Variants in ZC3H12D observed in about 807,000 individuals in gnomAD.
The protein encoded by ZC3H12D is zinc finger CCCH-type containing 12D, also known as probable ribonuclease ZC3H12D.
In ZC3H12D, 11 loss-of-function variants were observed where a neutral mutation model predicts 24.2. That is an observed-to-expected ratio of 0.46 (90% CI 0.29 to 0.75). The LOEUF is 0.75. Among genes scored for constraint, ZC3H12D ranks in the 30% least tolerant of loss-of-function variants. ZC3H12D has a pLI of 0.11. For missense variants in ZC3H12D, 740 were observed against 767.7 expected, an observed-to-expected ratio of 0.96 and a Z score of 0.43; for synonymous variants, 333 against 341.8, an observed-to-expected ratio of 0.97 and a Z score of 0.28.
At chr6:149,477,461 G>A (rs191809024) in intron 1 of ZC3H12D, among the ~76,000 whole-genome samples, 3 of 152,336 alleles carry the variant, frequency 2.0e-5, no homozygotes, top group African/African-American at 7.2e-5. Flanking sequence ...CCTCTCTGCC[G>A]CTTTTGAAAC....
rs1397221657 is a variant in ZC3H12D at position 149,456,625 on chromosome 6, C to T, written c.680+41G>A. The T allele has an allele frequency of 2.9e-6, 4 of 1,357,228 alleles. No homozygotes were observed. Among genetic ancestry groups the T allele is most frequent in the Non-Finnish European group, 4.2e-6 (4 of 956,748 alleles). 84.1% of individuals were successfully genotyped at this position (1,357,228 alleles called of 1,614,324 possible). On this transcript the variant is annotated intron_variant, in intron 4 of 5. Transcript: ENST00000409806. This position sits in a 1 kb window ranked among gnomAD's most constrained non-coding sequence, Gnocchi z 4.3. Reference sequence around the variant, plus strand: ...CACTGCCTCGACCCCGGCCCCCCGCCCCGCCGCCCCCCAGGGTGTCAGGAC... The same window carrying T: ...CACTGCCTCGACCCCGGCCCCCCGCTCCGCCGCCCCCCAGGGTGTCAGGAC...
chr6:149,462,891 G>A (rs934132844), intron 2 of ZC3H12D, among the ~76,000 whole-genome samples: 29 of 152,142 alleles, frequency 1.9e-4, no homozygotes, highest in Non-Finnish European at 3.2e-4. Flanking sequence ...CTGCACTGTC[G>A]GCTTCCCTAT....
rs376522130 is a variant in ZC3H12D at position 149,460,318 on chromosome 6, A to C, written c.445+1513T>G. ...TAATGAAAATATTCAGAAATCCAAA[A>C]CACTTCTGCTCCCAAGTACTTCAGA... On this transcript the variant is annotated intron_variant, in intron 3 of 5. Transcript: ENST00000409806. Among the ~76,000 whole-genome samples the C allele has an allele frequency of 8.6e-5, 13 of 151,986 alleles. 1 individual carries two copies. The highest frequency in any genetic ancestry group is 5.8e-4 in the East Asian group (3 of 5,170).
rs535596657 is a variant in ZC3H12D, at chr6:149,473,163, C to T, written c.305+1076G>A. Among the ~76,000 whole-genome samples the T allele has an allele frequency of 1.3e-4, 19 of 149,998 alleles. No homozygotes were observed. In the South Asian group the frequency reaches 3.6e-3, roughly 28 times the overall value. On this transcript the variant is annotated intron_variant, in intron 2 of 5. Transcript: ENST00000409806. ...AAAAAAAAAAAACTCAAAGTACACA[C>T]CGCAAAAAGTGCAGGGACAGCCCCT...
chr6:149,450,818 G>T lies in ZC3H12D; in HGVS notation c.1449C>A (p.Ile483=). 6.5e-7 allele frequency: 1 copy of T among 1,547,586 alleles called. No homozygotes were observed. The highest frequency in any genetic ancestry group is 8.7e-7 in the Non-Finnish European group (1 of 1,146,742). The change falls in exon 6 of 6, where the codon ATC becomes ATA. Residue 483 remains isoleucine (I), a synonymous_variant. Transcript: ENST00000409806. The part of the protein sequence containing the change: ...DEGDARARAR[I]ALYSVFPRDQ... ...CACGCGGGAAGACGCTGTAGAGCGC[G>T]ATGCGAGCCCGGGCGCGCGCGTCCC...
chr6:149,478,788 C>G (rs1394080786), intron 1 of ZC3H12D, among the ~76,000 whole-genome samples: 8 of 152,162 alleles, frequency 5.3e-5, no homozygotes, highest in Admixed American at 5.2e-4. Flanking sequence ...TCTGCCCCAC[C>G]CACCCCTCAG....
In ZC3H12D at chr6:149,456,623, G is replaced by GGGGGGGGC; in HGVS notation, c.680+42_680+43insGCCCCCCC. 1.3e-6 allele frequency: 1 copy of GGGGGGGGC among 744,586 alleles called. No homozygotes were observed. 46.1% of individuals were successfully genotyped at this position (744,586 alleles called of 1,614,324 possible). On this transcript the variant is annotated intron_variant, in intron 4 of 5. Transcript: ENST00000409806. This position sits in a 1 kb window ranked among gnomAD's most constrained non-coding sequence, Gnocchi z 4.3. The stretch of plus-strand genomic sequence containing the variant: ...GCCACTGCCTCGACCCCGGCCCCCC[G>GGGGGGGGC]CCCCGCCGCCCCCCAGGGTGTCAGG...
chr6:149,451,878 G>C (rs547372391), intron 5 of ZC3H12D, among the ~76,000 whole-genome samples: 1 of 152,352 alleles, frequency 6.6e-6, no homozygotes, highest in South Asian at 2.1e-4. Flanking sequence ...GTAGGGAGTG[G>C]GTGCTCGGGG....
At chr6:149,481,406 G>C (rs1776423071) in intron 1 of ZC3H12D, among the ~76,000 whole-genome samples, 1 of 148,852 alleles carries the variant, frequency 6.7e-6, no homozygotes, top group African/African-American at 2.5e-5. Flanking sequence ...GGAGAGTTTT[G>C]CTCTGTCGCC....
chr6:149,451,268 C>G lies in ZC3H12D; in HGVS notation c.999G>C (p.Ala333=). Residue 333 remains alanine (A), a synonymous_variant, in exon 6 of 6, where the codon GCG becomes GCC. Transcript: ENST00000409806. ...REPFAHSLPP[A]RGSPDLAALR... Reference sequence around the variant, plus strand: ...GGGCGGCCAGGTCCGGGGACCCCCGCGCCGGCGGGAGGCTGTGCGCAAATG... The same window carrying G: ...GGGCGGCCAGGTCCGGGGACCCCCGGGCCGGCGGGAGGCTGTGCGCAAATG... The G allele has an allele frequency of 1.5e-6, 2 of 1,299,566 alleles. No individual in the cohort carries two copies. The highest frequency in any genetic ancestry group is 5.0e-5 in the South Asian group (2 of 39,778). 80.5% of individuals were successfully genotyped at this position (1,299,566 alleles called of 1,614,324 possible). A position where few individuals can be genotyped will look rare whatever the true frequency, so the allele number is the denominator to read the frequency against.
At chr6:149,467,899 C>A (rs1273722816) in intron 2 of ZC3H12D, among the ~76,000 whole-genome samples, 1 of 152,134 alleles carries the variant, frequency 6.6e-6, no homozygotes, top group East Asian at 1.9e-4. Flanking sequence ...CCTTATTAAC[C>A]AACACTGTGA....
chr6:149,458,041 G>T (rs1413618495), intron 3 of ZC3H12D, among the ~76,000 whole-genome samples: 2 of 147,334 alleles, frequency 1.4e-5, no homozygotes, highest in Non-Finnish European at 3.0e-5. Flanking sequence ...TTAGAACTCC[G>T]TGTTTATGAT....
At chr6:149,479,495 A>G (rs761903785) in intron 1 of ZC3H12D, among the ~76,000 whole-genome samples, 1 of 152,214 alleles carries the variant, frequency 6.6e-6, no homozygotes, top group Non-Finnish European at 1.5e-5. Context: ...CTCAGATGTT[A>G]TTCAGAGCAG....
At position 149,453,017 on chromosome 6, in the gene ZC3H12D, G is replaced by A. The variant is rs147921602; in HGVS notation, c.681-295C>T. On this transcript the variant is annotated intron_variant, in intron 4 of 5. Transcript: ENST00000409806. ...AAAATGCAGTCATCTGAGTGCAGTG[G>A]TTCACATGGGTAATCCCAACACTTT... 1.3e-3 allele frequency among the ~76,000 whole-genome samples: 200 copies of A among 151,788 alleles called. 1 individual carries two copies. The highest frequency in any genetic ancestry group is 4.7e-3 in the African/African-American group (194 of 41,426).
At position 149,468,182 on chromosome 6, in the gene ZC3H12D, C is replaced by T. The variant is rs142088516; in HGVS notation, c.305+6057G>A. Among the ~76,000 whole-genome samples the T allele has an allele frequency of 2.0e-3, 310 of 152,164 alleles. 3 individuals are homozygous for T. The East Asian group carries it at 0.022, about 11-fold the overall frequency. ...TTTTAGTAGAGACGGGGTTTCTCCA[C>T]GTTGGTCAGGCTGGTCTCAAACTCC... On this transcript the variant is annotated intron_variant, in intron 2 of 5. Coordinates refer to ENST00000409806, the MANE Select transcript of ZC3H12D (RefSeq NM_207360.3).
intron 2 of ZC3H12D, among the ~76,000 whole-genome samples, chr6:149,473,564 G>A (rs1275241826): frequency 2.0e-5 from 3 of 152,154 alleles, no homozygotes; most frequent in Non-Finnish European, 4.4e-5. Context: ...TCGGGCGTGA[G>A]GCTGGCATTC....
rs764095403 is a variant in ZC3H12D, at chr6:149,450,979, G to A, written c.1288C>T (p.Arg430Cys). ...GCCCACGGGTCGTCGGGTGGCCTGCGCGGGGAAAGCAAGTCGCCGTGCAGG... is the reference window on the plus strand; with the variant it reads ...GCCCACGGGTCGTCGGGTGGCCTGCACGGGGAAAGCAAGTCGCCGTGCAGG... ...RDLHGDLLSP[R>C]RPPDDPWARP... The change falls in exon 6 of 6, where the codon CGC (arginine) becomes TGC (cysteine). Residue 430 changes from arginine to cysteine, a missense_variant. Transcript: ENST00000409806. 1 of 1,520,338 alleles carries A rather than the reference G, an allele frequency of 6.6e-7. No individual in the cohort carries two copies. The highest frequency in any genetic ancestry group is 8.8e-7 in the Non-Finnish European group (1 of 1,137,144). 94.2% of individuals were successfully genotyped at this position (1,520,338 alleles called of 1,614,324 possible). A position where few individuals can be genotyped will look rare whatever the true frequency, so the allele number is the denominator to read the frequency against.
intron 1 of ZC3H12D, among the ~76,000 whole-genome samples, chr6:149,475,831 C>T (rs448874): frequency 0.67 from 101,244 of 151,752 alleles, 35,804 homozygotes; most frequent in African/African-American, 0.91. Flanking sequence ...TGATAGATGG[C>T]TTCTAAATGA....
At chr6:149,451,605 C>T in intron 5 of ZC3H12D, 126 bp from the exon 6 acceptor site, 1 of 841,192 alleles carries the variant, frequency 1.2e-6, no homozygotes. Flanking sequence ...AAGCAGGCCC[C>T]CAGGCCGCCG....
Sources: allele counts gnomAD v4.1 joint callset (sites outside exome capture counted in the v4.1 genomes callset), GRCh38; gene constraint gnomAD v4.1.1; non-coding constraint Gnocchi (gnomAD v3.1); transcripts MANE v1.5; gene names NCBI Gene and HGNC (gene_info 2026-07-23, HGNC 2026-07-21).